The following ZNF710 variants were observed in gnomAD, a reference collection of about 807,000 sequenced individuals.
ZNF710 encodes zinc finger protein 710.
Under a neutral mutation model 50.6 loss-of-function variants are expected in ZNF710, and 13 were observed. That is an observed-to-expected ratio of 0.26 (90% CI 0.17 to 0.41). The LOEUF is 0.41. Ranked by LOEUF, ZNF710 falls within the 10% of genes least tolerant of loss-of-function variation. The pLI is 1.00. For synonymous variants in ZNF710, 383 were observed against 397.0 expected (o/e 0.96, Z 0.42); for missense variants, 721 against 936.6 (o/e 0.77, Z 3.01).
At chr15:90,046,071 C>T (rs991862390) in intron 1 of ZNF710, among the ~76,000 whole-genome samples, 9 of 152,112 alleles carry the variant, frequency 5.9e-5, no homozygotes, top group African/African-American at 2.2e-4. Context: ...CAGGAAAAGG[C>T]ATGGTCTCTG....
intron 1 of ZNF710, among the ~76,000 whole-genome samples, chr15:90,026,281 A>AG (rs1313548062): frequency 1.3e-4 from 19 of 149,776 alleles, no homozygotes; most frequent in African/African-American, 3.9e-4. Flanking sequence ...AAAAAAAAAA[A>AG]GGGAATGAGA....
Position 90,074,098 on chromosome 15 carries a change from C to T in ZNF710, c.1651-18C>T, listed in dbSNP as rs778311358. ...CAGGTTCCCCACAGGCTCAGGACAC[C>T]GGGTTGATGTGTTCTAGGTGTGCGG... On this transcript the variant is annotated intron_variant, in intron 3 of 4. Coordinates refer to ENST00000268154, the MANE Select transcript of ZNF710 (RefSeq NM_198526.4). 1.9e-5 allele frequency: 31 copies of T among 1,600,762 alleles called. No homozygotes were observed. The highest frequency in any genetic ancestry group is 1.6e-4 in the East Asian group (7 of 44,256).
chr15:90,076,822 A>G (rs997009972), intron 4 of ZNF710, among the ~76,000 whole-genome samples: 1 of 151,862 alleles, frequency 6.6e-6, no homozygotes, highest in Non-Finnish European at 1.5e-5. Flanking sequence ...CCACCACCCA[A>G]ACAAGATTTT....
At chr15:90,070,711 CAT>C (rs1319918182) in intron 2 of ZNF710, among the ~76,000 whole-genome samples, 1 of 151,842 alleles carries the variant, frequency 6.6e-6, no homozygotes, top group Non-Finnish European at 1.5e-5. Flanking sequence ...TCCAGCTACA[CAT>C]GAGACTGAAG....
In ZNF710 at chr15:90,066,308, T is replaced by A. The variant is rs1014571011; in HGVS notation, c.-28-802T>A. ...TGACAGTTAACACCTCACCGCACAG[T>A]CCCAAGGTCTGTGCAAATTAATTAC... On this transcript the variant is annotated intron_variant, in intron 1 of 4. Transcript: ENST00000268154. Among the ~76,000 whole-genome samples, 3 of 152,120 alleles carry A rather than the reference T, an allele frequency of 2.0e-5. No individual in the cohort carries two copies. In the South Asian group the frequency reaches 6.2e-4, roughly 32 times the overall value.
chr15:90,041,035 C>G (rs1003819931), intron 1 of ZNF710, among the ~76,000 whole-genome samples: 1 of 152,186 alleles, frequency 6.6e-6, no homozygotes, highest in African/African-American at 2.4e-5. Context: ...TTCTTTTGTT[C>G]TCACTGCGTT....
chr15:90,002,081 C>T (rs1898027498), intron 1 of ZNF710, among the ~76,000 whole-genome samples: 1 of 151,180 alleles, frequency 6.6e-6, no homozygotes, highest in Non-Finnish European at 1.5e-5. Flanking sequence ...GCTCTCGGGC[C>T]CGCACGTGGG....
Position 90,067,253 on chromosome 15 carries a change from G to A in ZNF710, c.116G>A (p.Ser39Asn), listed in dbSNP as rs760442638. The stretch of plus-strand genomic sequence containing the variant: ...AATGAGCTCTTTGGAGCTACCATAA[G>A]CGCCGAGGCCTTCTACCCGGACCTG... ...SENELFGATI[S>N]AEAFYPDLGP... Residue 39 changes from serine to asparagine, a missense_variant, in exon 2 of 5, where the codon AGC (serine) becomes AAC (asparagine). Around this residue, in one of 3 missense-constraint regions of ZNF710, gnomAD observed 326 missense variants for 347.1 expected, o/e 0.94. Transcript: ENST00000268154. The surrounding 1 kb of genome is among the most constrained non-coding windows in gnomAD (Gnocchi z 8.1). 1.1e-5 allele frequency: 18 copies of A among 1,613,360 alleles called. No homozygotes were observed. The highest frequency in any genetic ancestry group is 1.4e-5 in the Non-Finnish European group (16 of 1,179,854).
intron 1 of ZNF710, among the ~76,000 whole-genome samples, chr15:90,018,442 A>C (rs1898516086): frequency 6.6e-6 from 1 of 152,164 alleles, no homozygotes. Context: ...TGCTGAGATT[A>C]CAGGCGTGAG....
intron 1 of ZNF710, among the ~76,000 whole-genome samples, chr15:90,022,485 T>A (rs1251286052): frequency 2.0e-5 from 3 of 152,116 alleles, no homozygotes; most frequent in African/African-American, 7.2e-5. Flanking sequence ...TGGTAGAAGA[T>A]GAGGCTGCAG....
chr15:90,008,532 C>T (rs977525392), intron 1 of ZNF710, among the ~76,000 whole-genome samples: 7 of 149,474 alleles, frequency 4.7e-5, no homozygotes, highest in Non-Finnish European at 4.4e-5. Context: ...CCTGTAATCA[C>T]AGGACTTTGG....
intron 1 of ZNF710, among the ~76,000 whole-genome samples, chr15:90,058,787 GC>G (rs774825977): frequency 4.0e-5 from 6 of 151,844 alleles, no homozygotes; most frequent in South Asian, 4.1e-4. Flanking sequence ...GATTGTGGGG[GC>G]TGGCAAGTCC....
intron 1 of ZNF710, among the ~76,000 whole-genome samples, chr15:90,053,245 C>A (rs1162395451): frequency 6.6e-6 from 1 of 152,122 alleles, no homozygotes; most frequent in African/African-American, 2.4e-5. Context: ...GGTGCCTCAG[C>A]CTGGGGCCAG....
chr15:90,025,744 G>C (rs901508579), intron 1 of ZNF710: 1 of 152,196 alleles, frequency 6.6e-6, no homozygotes, highest in South Asian at 2.1e-4. Context: ...AACAGAAATT[G>C]TGCCAGTCGG....
Position 90,062,553 on chromosome 15 carries a change from T to G in ZNF710, c.-28-4557T>G, listed in dbSNP as rs972639322. ...GATGACAGAGGGGCCTTGGGTTGGG[T>G]GGGGAGGCAGCCCTGGCACACAGGT... On this transcript the variant is annotated intron_variant, in intron 1 of 4. Transcript: ENST00000268154. The surrounding 1 kb of genome is among the most constrained non-coding windows in gnomAD (Gnocchi z 5.6). 7.9e-5 allele frequency among the ~76,000 whole-genome samples: 12 copies of G among 151,378 alleles called. No individual in the cohort carries two copies. Among genetic ancestry groups the G allele is most frequent in the African/African-American group, 2.4e-4 (10 of 41,234 alleles).
rs1205106289 is a variant in ZNF710, at chr15:90,034,209, A to AAAG, written c.-29+32598_-29+32600dup. On this transcript the variant is annotated intron_variant, in intron 1 of 4. Transcript: ENST00000268154. The surrounding 1 kb of genome is among the most constrained non-coding windows in gnomAD (Gnocchi z 4.0). ...TGAGACTCTGTCTCAAAAAAAAAGA[A>AAAG]AAGAAAAGAAAAGAAAAGAAAACAG... Among the ~76,000 whole-genome samples the AAAG allele has an allele frequency of 1.3e-5, 2 of 149,680 alleles. No individual in the cohort carries two copies. The highest frequency in any genetic ancestry group is 2.5e-5 in the African/African-American group (1 of 39,328).
At chr15:90,014,647 A>C (rs1440616225) in intron 1 of ZNF710, among the ~76,000 whole-genome samples, 1 of 152,156 alleles carries the variant, frequency 6.6e-6, no homozygotes, top group Non-Finnish European at 1.5e-5. Context: ...TTAAAAATGA[A>C]CTTGGAGAAA....
rs1899277018 is a variant in ZNF710 at position 90,040,910 on chromosome 15, C to T, written c.-28-26200C>T. Among the ~76,000 whole-genome samples the T allele has an allele frequency of 6.6e-6, 1 of 152,234 alleles. No homozygotes were observed. The highest frequency in any genetic ancestry group is 1.5e-5 in the Non-Finnish European group (1 of 68,044). ...ACCCTATCATTCCTCCTCCTCCTCTCTTAGTTTTATCATTAGGTCGCAATT... is the reference window on the plus strand; with the variant it reads ...ACCCTATCATTCCTCCTCCTCCTCTTTTAGTTTTATCATTAGGTCGCAATT... On this transcript the variant is annotated intron_variant, in intron 1 of 4. Transcript: ENST00000268154. This position sits in a 1 kb window ranked among gnomAD's most constrained non-coding sequence, Gnocchi z 4.6.
In ZNF710 at chr15:90,073,144, T is replaced by G; in HGVS notation, c.1532T>G (p.Leu511Arg). 2.5e-6 allele frequency: 4 copies of G among 1,614,030 alleles called. No homozygotes were observed. Among genetic ancestry groups the G allele is most frequent in the Non-Finnish European group, 2.5e-6 (3 of 1,179,986 alleles). Residue 511 changes from leucine to arginine, a missense_variant, in exon 3 of 5, where the codon CTG becomes CGG. Transcript: ENST00000268154. Reference sequence around the variant, plus strand: ...CAGGCGAACATGAAGCGGCACATGCTGATCCACACCAGCGTCCGGCCCTAC... The same window carrying G: ...CAGGCGAACATGAAGCGGCACATGCGGATCCACACCAGCGTCCGGCCCTAC... ...TLQANMKRHM[L>R]IHTSVRPYQC... is the part of the protein sequence containing the mutation.
Sources: allele counts gnomAD v4.1 joint callset (sites outside exome capture counted in the v4.1 genomes callset), GRCh38; gene constraint gnomAD v4.1.1; regional missense constraint gnomAD v4.1.1; non-coding constraint Gnocchi (gnomAD v3.1); transcripts MANE v1.5; gene names NCBI Gene and HGNC (gene_info 2026-07-23, HGNC 2026-07-21).